HMGCL: variants seen among roughly 807,000 people sequenced by gnomAD.
HMGCL encodes 3-hydroxy-3-methylglutaryl-CoA lyase.
HMGCL carries 26 observed loss-of-function variants against 37.3 expected under a neutral mutation model. The observed-to-expected ratio is 0.70, with a 90% confidence interval of 0.51 to 0.97. The LOEUF (loss-of-function observed/expected upper bound fraction) is 0.97, where lower values mean the gene tolerates loss of function less well. HMGCL is among the 50% of genes least tolerant of loss of function. HMGCL has a pLI of 0.00. For missense variants in HMGCL, 379 were observed against 398.1 expected (o/e 0.95, Z 0.41); for synonymous variants, 151 against 148.0 (o/e 1.02, Z -0.15).
rs1638293520 is a variant in HMGCL, at chr1:23,802,263, A to G, written c.*200T>C. 1.6e-6 allele frequency: 1 copy of G among 612,850 alleles called. No homozygotes were observed. Among genetic ancestry groups the G allele is most frequent in the African/African-American group, 1.8e-5 (1 of 54,136 alleles). 38.0% of individuals were successfully genotyped at this position (612,850 alleles called of 1,614,324 possible). On this transcript the variant is annotated 3_prime_UTR_variant, in exon 9 of 9. Transcript: ENST00000374490. ...CAGCCCTCAAAGCCTCTCACTCCTC[A>G]GGTCTGGGCAGGAGGTCCTTCTGCC...
chr1:23,808,615 C>T (rs926975659), intron 6 of HMGCL, among the ~76,000 whole-genome samples: 9 of 152,162 alleles, frequency 5.9e-5, no homozygotes, highest in Non-Finnish European at 1.0e-4. Flanking sequence ...GTCTCACTTA[C>T]GGCTGTCACA....
chr1:23,818,284 C>A (rs1638651353), intron 2 of HMGCL, among the ~76,000 whole-genome samples: 1 of 152,128 alleles, frequency 6.6e-6, no homozygotes, highest in South Asian at 2.1e-4. Context: ...CATGGCGAAA[C>A]CCCCTCTCTA....
intron 5 of HMGCL, 56 bp downstream of exon 5, chr1:23,814,134 T>C (rs541348353): frequency 1.9e-6 from 3 of 1,598,910 alleles, no homozygotes; most frequent in African/African-American, 1.3e-5. Context: ...TGAGTCAGAG[T>C]CTAGCCCCAT....
At chr1:23,803,571 G>C (rs986481145) in intron 8 of HMGCL, 3 of 152,264 alleles carry the variant, frequency 2.0e-5, no homozygotes, top group Admixed American at 2.0e-4. Context: ...CTTGACCTCA[G>C]GTGATCCACC....
At chr1:23,809,963 G>C (rs1175491475) in intron 6 of HMGCL, 2 of 153,350 alleles carry the variant, frequency 1.3e-5, no homozygotes, top group African/African-American at 4.8e-5. Flanking sequence ...TCCTAGTTCT[G>C]CTGTTCACTA....
In HMGCL at chr1:23,806,270, G is replaced by A. The variant is rs1288772312; in HGVS notation, c.751-1745C>T. Among the ~76,000 whole-genome samples, 1 of 152,116 alleles carries A rather than the reference G, an allele frequency of 6.6e-6. No individual in the cohort carries two copies. Among genetic ancestry groups the A allele is most frequent in the Non-Finnish European group, 1.5e-5 (1 of 68,026 alleles). On this transcript the variant is annotated intron_variant, in intron 7 of 8. Transcript: ENST00000374490. The surrounding 1 kb of genome is among the most constrained non-coding windows in gnomAD (Gnocchi z 4.0). ...GCCCAGCCGAGGAGCCTCTCAAACGGAACATTTCAGATCATCTCCCTCCCC... is the reference window on the plus strand; with the variant it reads ...GCCCAGCCGAGGAGCCTCTCAAACGAAACATTTCAGATCATCTCCCTCCCC...
chr1:23,808,417 T>C (rs576413679), intron 6 of HMGCL, 94 bp from the exon 7 acceptor site: 12 of 1,019,128 alleles, frequency 1.2e-5, no homozygotes, highest in Admixed American at 1.7e-5. Flanking sequence ...GGCAGAACAC[T>C]TCTGGGTATG....
intron 5 of HMGCL, among the ~76,000 whole-genome samples, chr1:23,812,763 C>A (rs1477682763): frequency 6.6e-6 from 1 of 152,204 alleles, no homozygotes; most frequent in Non-Finnish European, 1.5e-5. Context: ...AACGGTACGG[C>A]TACAGAAAAG....
intron 7 of HMGCL, among the ~76,000 whole-genome samples, chr1:23,805,969 T>TGTTGAC (rs1638402641): frequency 6.6e-6 from 1 of 151,302 alleles, no homozygotes; most frequent in South Asian, 2.1e-4. Context: ...TGATAAGAAG[T>TGTTGAC]CTCACTCTGT....
At chr1:23,821,999 G>A (rs1399405040) in intron 1 of HMGCL, among the ~76,000 whole-genome samples, 3 of 152,072 alleles carry the variant, frequency 2.0e-5, no homozygotes, top group Non-Finnish European at 4.4e-5. Context: ...TTCAAAGCAC[G>A]ATAAAGAATG....
rs770333907 is a variant in HMGCL at position 23,804,428 on chromosome 1, T to C, written c.848A>G (p.Tyr283Cys). 2 of 1,614,224 alleles carry C rather than the reference T, an allele frequency of 1.2e-6. No individual in the cohort carries two copies. Among genetic ancestry groups the C allele is most frequent in the Non-Finnish European group, 1.7e-6 (2 of 1,180,044 alleles). The change falls in exon 8 of 9, where the codon TAC becomes TGC. Residue 283 changes from tyrosine to cysteine, a missense_variant. Tyr to Cys is a radical substitution (Grantham distance 194, BLOSUM62 -2). Coordinates refer to ENST00000374490, the MANE Select transcript of HMGCL (RefSeq NM_000191.3). ...GTGAATGCCCAAGCCCTCTAGCATG[T>C]AGACCAGGTCTTCTGTGGCCAAGTT... ...SGNLATEDLVYMLEGLGIHTG... is the reference protein window; with the variant it reads ...SGNLATEDLVCMLEGLGIHTG...
rs1303767209 is a variant in HMGCL, at chr1:23,802,464, C to G, written c.977G>C (p.Ter326SerextTer14). The change falls in exon 9 of 9, where the codon TGA becomes TCA. Residue 326 changes from the stop codon to serine, a stop_lost. Coordinates refer to ENST00000374490, the MANE Select transcript of HMGCL (RefSeq NM_000191.3). ...SKVAQATCKL* is the reference protein window; with the variant it reads ...SKVAQATCKLS ...CAGGGCTTCAGGTGGGCAAGGGGCT[C>G]AGAGTTTACAGGTAGCCTGAGCCAC... is the stretch of plus-strand genomic sequence containing the variant. 6.2e-7 allele frequency: 1 copy of G among 1,603,422 alleles called. No homozygotes were observed. Among genetic ancestry groups the G allele is most frequent in the Non-Finnish European group, 8.5e-7 (1 of 1,170,292 alleles).
chr1:23,810,633 G>T, intron 6 of HMGCL, 103 bp downstream of exon 6: 2 of 956,386 alleles, frequency 2.1e-6, no homozygotes, highest in Non-Finnish European at 3.4e-6. Flanking sequence ...AATGAATGAA[G>T]TCAGGAACCT....
At chr1:23,814,154 G>A (rs1638571845) in intron 5 of HMGCL, 36 bp downstream of exon 5, 1 of 1,610,664 alleles carries the variant, frequency 6.2e-7, no homozygotes, top group Admixed American at 1.7e-5. Context: ...TTCCAGAACG[G>A]TACAGAGGAA....
At chr1:23,808,097 C>T (rs531842439) in intron 7 of HMGCL, 38 bp downstream of exon 7, 39 of 1,570,666 alleles carry the variant, frequency 2.5e-5, no homozygotes, top group East Asian at 1.3e-4. Context: ...TCCTGCCCAC[C>T]GTGACCTTTG....
chr1:23,823,867 G>A lies in HMGCL; in HGVS notation c.60+1489C>T, dbSNP rs61779466. Among the ~76,000 whole-genome samples, 424 of 149,492 alleles carry A rather than the reference G, an allele frequency of 2.8e-3. 4 individuals carry two copies. The highest frequency in any genetic ancestry group is 9.3e-3 in the African/African-American group (378 of 40,774). ...GATGACAGAGCAAGACACCGTCTCA[G>A]GAAAAAAAAAAAGAAAGAAAAGAAA... On this transcript the variant is annotated intron_variant, in intron 1 of 8. Coordinates refer to ENST00000374490, the MANE Select transcript of HMGCL (RefSeq NM_000191.3).
intron 2 of HMGCL, among the ~76,000 whole-genome samples, chr1:23,818,441 C>T (rs1638654350): frequency 6.6e-6 from 1 of 152,080 alleles, no homozygotes; most frequent in South Asian, 2.1e-4. Context: ...AGAGCAAGAC[C>T]CTGTCTCAAA....
At chr1:23,824,879 G>A (rs1486823428) in intron 1 of HMGCL, among the ~76,000 whole-genome samples, 1 of 152,170 alleles carries the variant, frequency 6.6e-6, no homozygotes, top group Non-Finnish European at 1.5e-5. Flanking sequence ...GGATCAAAGT[G>A]CAATTCCAAG....
intron 4 of HMGCL, among the ~76,000 whole-genome samples, chr1:23,816,152 T>A (rs1638609875): frequency 6.6e-6 from 1 of 151,100 alleles, no homozygotes. Context: ...CTCAAGCTTC[T>A]GGCCTCAAGC....
Sources: gnomAD v4.1 joint callset for allele counts (sites outside exome capture counted in the v4.1 genomes callset) on GRCh38, gnomAD v4.1.1 for gene constraint, Gnocchi (gnomAD v3.1) non-coding constraint, MANE v1.5 for transcripts, NCBI Gene and HGNC (gene_info 2026-07-23, HGNC 2026-07-21) for gene names.